PCDH9: variants seen among roughly 807,000 people sequenced by gnomAD.
PCDH9 encodes protocadherin 9.
In PCDH9, 24 loss-of-function variants were observed where a neutral mutation model predicts 70.6. That is an observed-to-expected ratio of 0.34 (90% CI 0.25 to 0.48). The LOEUF is 0.48. Among genes scored for constraint, PCDH9 ranks in the 20% least tolerant of loss-of-function variants. The pLI is 0.99. For missense variants in PCDH9, 1,281 were observed against 1,503.6 expected (o/e 0.85, Z 2.45); for synonymous variants, 562 against 558.5 (o/e 1.01, Z -0.09).
At chr13:66,930,593 T>C (rs945295847) in intron 2 of PCDH9, among the ~76,000 whole-genome samples, 1 of 152,210 alleles carries the variant, frequency 6.6e-6, no homozygotes, top group East Asian at 1.9e-4. Flanking sequence ...GTAGGGATTA[T>C]GAACAACTGT....
intron 3 of PCDH9, among the ~76,000 whole-genome samples, chr13:66,755,439 G>A (rs541670822): frequency 1.3e-5 from 2 of 152,264 alleles, no homozygotes; most frequent in African/African-American, 2.4e-5. Context: ...CAGTGGCGCT[G>A]CAAATTAAAT....
rs184546793 is a variant in PCDH9 at position 67,152,535 on chromosome 13, C to T, written c.3036+72870G>A. Among the ~76,000 whole-genome samples the T allele has an allele frequency of 5.3e-4, 81 of 152,288 alleles. No individual in the cohort carries two copies. In the East Asian group the frequency reaches 0.013, roughly 25 times the overall value. Reference sequence around the variant, plus strand: ...AATATTTCTCAATCTCTCATTAAATCGAATCCCCTTAGACATAGCTGACCT... The same window carrying T: ...AATATTTCTCAATCTCTCATTAAATTGAATCCCCTTAGACATAGCTGACCT... On this transcript the variant is annotated intron_variant, in intron 2 of 4. Coordinates refer to ENST00000377865, the MANE Select transcript of PCDH9 (RefSeq NM_203487.3).
intron 2 of PCDH9, among the ~76,000 whole-genome samples, chr13:67,197,038 AG>A (rs1037236292): frequency 2.6e-5 from 4 of 152,020 alleles, no homozygotes; most frequent in Non-Finnish European, 4.4e-5. Context: ...GTCCCTCCAT[AG>A]GGATTATCTG....
intron 3 of PCDH9, among the ~76,000 whole-genome samples, chr13:66,792,288 T>C (rs2080175577): frequency 6.6e-6 from 1 of 152,176 alleles, no homozygotes; most frequent in Non-Finnish European, 1.5e-5. Flanking sequence ...GTTGTGAACA[T>C]AGATTTTATT....
At chr13:66,974,054 G>T (rs1468638768) in intron 2 of PCDH9, among the ~76,000 whole-genome samples, 3 of 151,966 alleles carry the variant, frequency 2.0e-5, no homozygotes, top group African/African-American at 4.8e-5. Flanking sequence ...TATGTTCCAT[G>T]TTAGAACTCA....
chr13:66,992,378 G>A (rs2084021186), intron 2 of PCDH9, among the ~76,000 whole-genome samples: 1 of 152,106 alleles, frequency 6.6e-6, no homozygotes, highest in South Asian at 2.1e-4. Context: ...CCCTCCAGCG[G>A]AATGATGCAA....
chr13:66,908,774 A>G (rs577250945), intron 2 of PCDH9, among the ~76,000 whole-genome samples: 1 of 151,884 alleles, frequency 6.6e-6, no homozygotes, highest in South Asian at 2.1e-4. Context: ...TATTTTTGTT[A>G]TCTTTAATCA....
intron 2 of PCDH9, among the ~76,000 whole-genome samples, chr13:66,920,053 T>A (rs903517814): frequency 2.0e-5 from 3 of 150,948 alleles, no homozygotes; most frequent in Non-Finnish European, 4.5e-5. Flanking sequence ...CTGCTCCCCT[T>A]ACAGATACTG....
At chr13:66,868,796 T>C (rs1226730570) in intron 3 of PCDH9, among the ~76,000 whole-genome samples, 1 of 152,150 alleles carries the variant, frequency 6.6e-6, no homozygotes, top group East Asian at 1.9e-4. Context: ...GAAAAATTAG[T>C]TGTATATCAG....
At chr13:67,225,263 A>T in intron 2 of PCDH9, 142 bp downstream of exon 2, 1 of 1,266,556 alleles carries the variant, frequency 7.9e-7, no homozygotes, top group Non-Finnish European at 1.1e-6. Context: ...CCCCAGAGGA[A>T]TAGAAAAGGG....
intron 2 of PCDH9, among the ~76,000 whole-genome samples, chr13:66,982,124 A>T (rs569995708): frequency 6.6e-6 from 1 of 151,682 alleles, no homozygotes; most frequent in South Asian, 2.1e-4. Context: ...TGCCCCACTC[A>T]CTCTCTCTCT....
chr13:67,052,512 G>T (rs1272840179), intron 2 of PCDH9, among the ~76,000 whole-genome samples: 1 of 151,920 alleles, frequency 6.6e-6, no homozygotes, highest in Non-Finnish European at 1.5e-5. Flanking sequence ...GTTTTACTTG[G>T]AAGGATCCTA....
intron 3 of PCDH9, among the ~76,000 whole-genome samples, chr13:66,849,586 G>A (rs1160852951): frequency 6.7e-6 from 1 of 148,194 alleles, no homozygotes; most frequent in South Asian, 2.2e-4. Context: ...GGCATGAGTG[G>A]GATGGGAGAA....
chr13:66,571,265 T>C (rs909942173), intron 4 of PCDH9, among the ~76,000 whole-genome samples: 2 of 152,104 alleles, frequency 1.3e-5, no homozygotes, highest in African/African-American at 2.4e-5. Flanking sequence ...CAGACATTTA[T>C]TGTAAATTTT....
At chr13:66,637,501 A>G (rs1403662154) in intron 3 of PCDH9, among the ~76,000 whole-genome samples, 2 of 152,170 alleles carry the variant, frequency 1.3e-5, no homozygotes, top group African/African-American at 4.8e-5. Context: ...GAGTCATTTT[A>G]TCATTTGTAA....
At chr13:66,351,990 C>T (rs1011597576) in intron 4 of PCDH9, among the ~76,000 whole-genome samples, 1 of 152,070 alleles carries the variant, frequency 6.6e-6, no homozygotes, top group Non-Finnish European at 1.5e-5. Flanking sequence ...CATCAGCCAC[C>T]ACGCCCAGCT....
rs533240033 is a variant in PCDH9 at position 66,841,428 on chromosome 13, A to G, written c.3138+62076T>C. On this transcript the variant is annotated intron_variant, in intron 3 of 4. Coordinates refer to ENST00000377865, the MANE Select transcript of PCDH9 (RefSeq NM_203487.3). The stretch of plus-strand genomic sequence containing the variant: ...TAAAACAGCATAATATGCTATTGAA[A>G]ATAAATTCTTTTCTCACATAGTTAA... Among the ~76,000 whole-genome samples, 14 of 152,324 alleles carry G rather than the reference A, an allele frequency of 9.2e-5. 1 individual carries two copies. The highest frequency in any genetic ancestry group is 3.1e-4 in the African/African-American group (13 of 41,582).
At chr13:66,583,485 G>T (rs1023995652) in intron 4 of PCDH9, among the ~76,000 whole-genome samples, 2 of 151,768 alleles carry the variant, frequency 1.3e-5, no homozygotes, top group African/African-American at 4.8e-5. Context: ...GGGGGGACGC[G>T]CCTATAGTCC....
chr13:66,624,092 A>G (rs1419276642), intron 4 of PCDH9, among the ~76,000 whole-genome samples: 1 of 152,218 alleles, frequency 6.6e-6, no homozygotes, highest in Non-Finnish European at 1.5e-5. Flanking sequence ...AACTCTATTC[A>G]TGATTCTCAA....
Sources: allele counts gnomAD v4.1 joint callset (sites outside exome capture counted in the v4.1 genomes callset), GRCh38; gene constraint gnomAD v4.1.1; transcripts MANE v1.5; gene names NCBI Gene and HGNC (gene_info 2026-07-23, HGNC 2026-07-21).